ANXA13: variants seen among roughly 807,000 people sequenced by gnomAD.
ANXA13 encodes the protein annexin A13.
Under a neutral mutation model 46.6 loss-of-function variants are expected in ANXA13, and 36 were observed. The ratio of observed to expected loss-of-function variants is 0.77; its 90% CI spans 0.59 to 1.02. The LOEUF is 1.02. Among genes scored for constraint, ANXA13 ranks in the 50% least tolerant of loss-of-function variants. The pLI, the probability that ANXA13 is intolerant of heterozygous loss-of-function variation, is 0.00. For synonymous variants in ANXA13, 163 were observed against 152.9 expected, an observed-to-expected ratio of 1.07 and a Z score of -0.49; for missense variants, 417 against 396.5, an observed-to-expected ratio of 1.05 and a Z score of -0.44.
intron 1 of ANXA13, among the ~76,000 whole-genome samples, chr8:123,734,665 T>C (rs1814215979): frequency 6.6e-6 from 1 of 151,696 alleles, no homozygotes; most frequent in Non-Finnish European, 1.5e-5. Context: ...CAATAATAGT[T>C]GTCAATTATC....
chr8:123,684,422 G>T (rs1284458982), intron 10 of ANXA13, among the ~76,000 whole-genome samples, 188 bp downstream of exon 10: 1 of 152,170 alleles, frequency 6.6e-6, no homozygotes, highest in Non-Finnish European at 1.5e-5. Context: ...GATCATTATT[G>T]TATTTTTATA....
chr8:123,685,256 C>A (rs926964368), intron 9 of ANXA13, among the ~76,000 whole-genome samples: 5 of 152,172 alleles, frequency 3.3e-5, no homozygotes, highest in Non-Finnish European at 5.9e-5. Context: ...GGTTTGCAAT[C>A]CGGGATGTGG....
At chr8:123,737,169 T>A (rs1048016096) in intron 1 of ANXA13, 151 bp downstream of exon 1, 2 of 761,056 alleles carry the variant, frequency 2.6e-6, no homozygotes, top group Non-Finnish European at 4.2e-6. Flanking sequence ...CCTCAATGCA[T>A]TTTAAAAGCA....
At chr8:123,722,752 A>G (rs562945729) in intron 1 of ANXA13, among the ~76,000 whole-genome samples, 9 of 152,262 alleles carry the variant, frequency 5.9e-5, no homozygotes, top group South Asian at 4.1e-4. Context: ...AAATAAGACA[A>G]TGTCACAGCG....
At chr8:123,688,117 C>G (rs1024887826) in intron 9 of ANXA13, among the ~76,000 whole-genome samples, 1 of 152,084 alleles carries the variant, frequency 6.6e-6, no homozygotes, top group African/African-American at 2.4e-5. Context: ...TGGCTGTGTC[C>G]CCACCCAAAT....
In ANXA13 at chr8:123,695,698, G is replaced by A; in HGVS notation, c.381C>T (p.Ala127=). Residue 127 remains alanine (A), a synonymous_variant, in exon 5 of 11, where the codon GCC becomes GCT. Transcript: ENST00000419625. ...TNKEIIAIKE[A]YQRLFDRSLE... is the part of the protein sequence containing the mutation. ...TGAAAAGTCACTTACGCCTTTGGTA[G>A]GCCTCTTTAATGGCGATGATTTCCT... The A allele has an allele frequency of 6.2e-7, 1 of 1,613,738 alleles. No individual in the cohort carries two copies.
intron 3 of ANXA13, among the ~76,000 whole-genome samples, chr8:123,700,888 CT>C (rs1293990116): frequency 6.6e-6 from 1 of 151,852 alleles, no homozygotes; most frequent in Non-Finnish European, 1.5e-5. Context: ...AGTGGTGCAA[CT>C]ACGGCTCACT....
chr8:123,698,321 C>T, intron 4 of ANXA13, 68 bp downstream of exon 4: 1 of 1,557,818 alleles, frequency 6.4e-7, no homozygotes, highest in Non-Finnish European at 8.7e-7. Flanking sequence ...AGTAGGGTCC[C>T]TTCTGGGGGG....
Position 123,698,352 on chromosome 8 carries a change from T to C in ANXA13, c.357+37A>G, listed in dbSNP as rs372238992. On this transcript the variant is annotated intron_variant, in intron 4 of 10. Transcript: ENST00000419625. ...GGGGGCTGCAACCATCTCTATTGGG[T>C]GTGTGATGCTCCCTTGCGGGCTCAG... 6.2e-6 allele frequency: 10 copies of C among 1,606,192 alleles called. No individual in the cohort carries two copies. The African/African-American group carries it at 1.3e-4, about 21-fold the overall frequency.
intron 1 of ANXA13, among the ~76,000 whole-genome samples, chr8:123,730,053 G>A (rs571713517): frequency 5.9e-5 from 9 of 152,140 alleles, no homozygotes; most frequent in Non-Finnish European, 1.0e-4. Context: ...AGTTATGTTC[G>A]TTTGACTCAG....
intron 2 of ANXA13, chr8:123,711,697 C>G (rs1478027626): frequency 6.6e-6 from 1 of 152,294 alleles, no homozygotes; most frequent in Non-Finnish European, 1.5e-5. Context: ...TCACTGCAAC[C>G]TCTGACTCCC....
At chr8:123,717,691 G>A (rs1167219003) in intron 1 of ANXA13, among the ~76,000 whole-genome samples, 3 of 152,168 alleles carry the variant, frequency 2.0e-5, no homozygotes, top group Non-Finnish European at 2.9e-5. Context: ...GTGTGACTTC[G>A]GGCAAGTTAG....
At chr8:123,719,734 T>C (rs1445629194) in intron 1 of ANXA13, among the ~76,000 whole-genome samples, 9 of 152,218 alleles carry the variant, frequency 5.9e-5, no homozygotes, top group African/African-American at 2.2e-4. Context: ...CTAACATGAT[T>C]GCATCTAATC....
At chr8:123,735,296 T>C (rs1329714456) in intron 1 of ANXA13, among the ~76,000 whole-genome samples, 1 of 152,206 alleles carries the variant, frequency 6.6e-6, no homozygotes, top group African/African-American at 2.4e-5. Flanking sequence ...GTGTAGCTGT[T>C]TCAAAACCAC....
chr8:123,695,186 G>A (rs1415159798), intron 6 of ANXA13, among the ~76,000 whole-genome samples: 2 of 152,138 alleles, frequency 1.3e-5, no homozygotes, highest in African/African-American at 2.4e-5. Context: ...GCATGAACCT[G>A]GGCAGGTTAC....
intron 4 of ANXA13, among the ~76,000 whole-genome samples, chr8:123,697,803 C>G (rs1813370022): frequency 6.6e-6 from 1 of 152,206 alleles, no homozygotes; most frequent in African/African-American, 2.4e-5. Flanking sequence ...GAGCCAGAGA[C>G]AAATAGTTCT....
rs1199920847 is a variant in ANXA13 at position 123,695,716 on chromosome 8, G to A, written c.363C>T (p.Ile121=). ...EVLCTRTNKE[I]IAIKEAYQRL... is the part of the protein sequence containing the mutation. ...TTTGGTAGGCCTCTTTAATGGCGAT[G>A]ATTTCCTAGGGAAGGTAATTTACAA... The change falls in exon 5 of 11, where the codon ATC becomes ATT. Residue 121 remains isoleucine (I), a synonymous_variant. Coordinates refer to ENST00000419625, the MANE Select transcript of ANXA13 (RefSeq NM_004306.4). 6.2e-7 allele frequency: 1 copy of A among 1,612,706 alleles called. No individual in the cohort carries two copies. Among genetic ancestry groups the A allele is most frequent in the Non-Finnish European group, 8.5e-7 (1 of 1,178,974 alleles).
chr8:123,722,536 A>T (rs1813903821), intron 1 of ANXA13, among the ~76,000 whole-genome samples: 1 of 152,220 alleles, frequency 6.6e-6, no homozygotes, highest in Non-Finnish European at 1.5e-5. Context: ...GAGAAAATAG[A>T]AAGTAAAATG....
At chr8:123,717,676 T>A (rs1302431118) in intron 1 of ANXA13, among the ~76,000 whole-genome samples, 1 of 152,242 alleles carries the variant, frequency 6.6e-6, no homozygotes, top group Non-Finnish European at 1.5e-5. Flanking sequence ...AACTGCTTAT[T>A]AGCCGTGTGA....
Sources: allele counts gnomAD v4.1 joint callset (sites outside exome capture counted in the v4.1 genomes callset), GRCh38; gene constraint gnomAD v4.1.1; transcripts MANE v1.5; gene names NCBI Gene and HGNC (gene_info 2026-07-23, HGNC 2026-07-21).